The following SLC24A2 variants were observed in gnomAD, a reference collection of about 807,000 sequenced individuals.
SLC24A2 encodes sodium/potassium/calcium exchanger 2.
A neutral mutation model predicts 62.0 loss-of-function variants in SLC24A2; 36 were observed. That is an observed-to-expected ratio of 0.58 (90% CI 0.44 to 0.77). SLC24A2 has a LOEUF of 0.77. Among genes scored for constraint, SLC24A2 ranks in the 30% least tolerant of loss-of-function variants. The pLI, the probability that SLC24A2 is intolerant of heterozygous loss-of-function variation, is 0.00. For synonymous variants in SLC24A2, 358 were observed against 294.0 expected, an observed-to-expected ratio of 1.22 and a Z score of -2.23; for missense variants, 846 against 817.9, an observed-to-expected ratio of 1.03 and a Z score of -0.42.
At chr9:19,825,186 T>G in the SLC24A2 span, among the ~76,000 whole-genome samples, 1 of 152,094 alleles carries the variant, frequency 6.6e-6, no homozygotes, top group Non-Finnish European at 1.5e-5. Context: ...AAAGTAAAAT[T>G]TCAGAAAAAG....
At chr9:19,996,048 C>A in the SLC24A2 span, among the ~76,000 whole-genome samples, 3 of 152,204 alleles carry the variant, frequency 2.0e-5, no homozygotes, top group Non-Finnish European at 4.4e-5. Flanking sequence ...GTTTCAGAGA[C>A]ATAGAGCTAG....
the SLC24A2 span, among the ~76,000 whole-genome samples, chr9:20,209,433 A>C: frequency 2.0e-5 from 3 of 152,168 alleles, no homozygotes; most frequent in Non-Finnish European, 4.4e-5. Context: ...TATTCTAAGA[A>C]ACCCCTCTCT....
chr9:20,059,548 A>T, the SLC24A2 span, among the ~76,000 whole-genome samples: 1 of 152,192 alleles, frequency 6.6e-6, no homozygotes, highest in Admixed American at 6.5e-5. Context: ...CATACTCTTT[A>T]AACTGGGCAG....
intron 7 of SLC24A2, among the ~76,000 whole-genome samples, chr9:19,565,362 A>G (rs1263142710): frequency 2.0e-5 from 3 of 148,954 alleles, no homozygotes; most frequent in Non-Finnish European, 4.5e-5. Context: ...ACTCCCATTC[A>G]CAATTGCTTC....
the SLC24A2 span, among the ~76,000 whole-genome samples, chr9:20,162,004 T>C: frequency 6.6e-5 from 10 of 151,862 alleles, no homozygotes; most frequent in South Asian, 1.2e-3. Flanking sequence ...TATATGCAGA[T>C]GGATAACAGT....
the SLC24A2 span, among the ~76,000 whole-genome samples, chr9:20,100,289 A>C: frequency 3.9e-5 from 6 of 152,336 alleles, no homozygotes; most frequent in African/African-American, 1.4e-4. Context: ...TTGGACTTCC[A>C]GGCTCAAGCC....
At chr9:20,085,137 A>C in the SLC24A2 span, among the ~76,000 whole-genome samples, 2 of 152,188 alleles carry the variant, frequency 1.3e-5, no homozygotes, top group Non-Finnish European at 2.9e-5. Context: ...CTGGGACTAC[A>C]GGAGAGCACC....
chr9:19,627,606 A>G (rs1818067172), intron 2 of SLC24A2, among the ~76,000 whole-genome samples: 1 of 152,136 alleles, frequency 6.6e-6, no homozygotes, highest in Non-Finnish European at 1.5e-5. Context: ...GCTCCCTGCA[A>G]CCTCAAACTC....
At chr9:19,930,507 C>G in the SLC24A2 span, among the ~76,000 whole-genome samples, 2 of 152,120 alleles carry the variant, frequency 1.3e-5, no homozygotes, top group Non-Finnish European at 2.9e-5. Context: ...GATTGTGTCC[C>G]CATCATGAAG....
At chr9:20,161,730 GATTT>G in the SLC24A2 span, among the ~76,000 whole-genome samples, 2 of 148,510 alleles carry the variant, frequency 1.3e-5, no homozygotes, top group Non-Finnish European at 3.0e-5. Context: ...TATTTAATTT[GATTT>G]ATTTGACATG....
intron 2 of SLC24A2, among the ~76,000 whole-genome samples, chr9:19,631,442 C>A (rs1446331403): frequency 6.6e-6 from 1 of 152,172 alleles, no homozygotes; most frequent in Non-Finnish European, 1.5e-5. Flanking sequence ...CTTCTTTGAA[C>A]TCCTGTGTTA....
the SLC24A2 span, among the ~76,000 whole-genome samples, chr9:20,073,919 G>GAGATATAT: frequency 7.1e-6 from 1 of 140,794 alleles, no homozygotes; most frequent in East Asian, 2.1e-4. Context: ...CTTGTGGGGA[G>GAGATATAT]ATATATATAT....
At chr9:20,158,304 A>T in the SLC24A2 span, among the ~76,000 whole-genome samples, 1 of 151,702 alleles carries the variant, frequency 6.6e-6, no homozygotes, top group African/African-American at 2.4e-5. Flanking sequence ...TGTCCCTCCA[A>T]TATTCACACA....
chr9:20,084,896 G>C, the SLC24A2 span, among the ~76,000 whole-genome samples: 3 of 152,196 alleles, frequency 2.0e-5, no homozygotes, highest in African/African-American at 4.8e-5. Context: ...GTGTACAGTT[G>C]AGGGTTTTGA....
rs1019545952 is a variant in SLC24A2, at chr9:19,512,277, T to A, written c.*3876A>T. On this transcript the variant is annotated 3_prime_UTR_variant, in exon 11 of 11. Transcript: ENST00000341998. Reference sequence around the variant, plus strand: ...AACCACCTGATTCATGTCTTCCCTATAAAATAAATTATGATGGCCCTTGTC... The same window carrying A: ...AACCACCTGATTCATGTCTTCCCTAAAAAATAAATTATGATGGCCCTTGTC... 3.3e-5 allele frequency: 5 copies of A among 152,244 alleles called. No homozygotes were observed. The highest frequency in any genetic ancestry group is 7.3e-5 in the Non-Finnish European group (5 of 68,048). The allele number at this position is 152,244 out of a possible 1,614,324, so 9.4% of individuals were successfully genotyped here.
chr9:20,200,165 CT>C, the SLC24A2 span, among the ~76,000 whole-genome samples: 1 of 151,930 alleles, frequency 6.6e-6, no homozygotes, highest in Non-Finnish European at 1.5e-5. Context: ...TCATAATAAC[CT>C]TAAAAATATA....
intron 2 of SLC24A2, among the ~76,000 whole-genome samples, chr9:19,704,798 CTTTT>C (rs35780199): frequency 2.2e-5 from 3 of 135,712 alleles, no homozygotes; most frequent in African/African-American, 2.7e-5. Flanking sequence ...AAAAACCAAA[CTTTT>C]TTTTTTTTTT....
At chr9:20,041,812 T>C in the SLC24A2 span, among the ~76,000 whole-genome samples, 2 of 152,262 alleles carry the variant, frequency 1.3e-5, no homozygotes, top group Non-Finnish European at 2.9e-5. Flanking sequence ...CAGAAGGGCT[T>C]TGAGCTCTGC....
chr9:19,815,476 T>C, the SLC24A2 span, among the ~76,000 whole-genome samples: 1 of 152,166 alleles, frequency 6.6e-6, no homozygotes, highest in Non-Finnish European at 1.5e-5. Flanking sequence ...CAGCACTTTA[T>C]TACTGTTTTT....
Sources: allele counts gnomAD v4.1 joint callset (sites outside exome capture counted in the v4.1 genomes callset), GRCh38; gene constraint gnomAD v4.1.1; transcripts MANE v1.5; gene names NCBI Gene and HGNC (gene_info 2026-07-23, HGNC 2026-07-21).